Variants in TBC1D1 observed in about 807,000 individuals in gnomAD.
TBC1D1 encodes the protein TBC1 (tre-2/USP6, BUB2, cdc16) domain family, member 1.
TBC1D1 carries 89 observed loss-of-function variants against 125.6 expected under a neutral mutation model. The ratio of observed to expected loss-of-function variants is 0.71; its 90% CI spans 0.60 to 0.85. TBC1D1 has a LOEUF of 0.85. Ranked by LOEUF, TBC1D1 falls within the 40% of genes least tolerant of loss-of-function variation. The probability of loss-of-function intolerance (pLI) is 0.00; values close to 1 mark genes in which losing one functional copy is unlikely to be tolerated. For synonymous variants in TBC1D1, 565 were observed against 564.1 expected, an observed-to-expected ratio of 1.00 and a Z score of -0.02; for missense variants, 1,377 against 1,469.2, an observed-to-expected ratio of 0.94 and a Z score of 1.03.
At chr4:37,946,498 C>G (rs1577986561) in intron 2 of TBC1D1, among the ~76,000 whole-genome samples, 1 of 152,296 alleles carries the variant, frequency 6.6e-6, no homozygotes, top group East Asian at 1.9e-4. Flanking sequence ...AGGGAAGAAA[C>G]AGTATCGTGT....
intron 2 of TBC1D1, among the ~76,000 whole-genome samples, chr4:37,903,158 G>A (rs1005340788): frequency 5.9e-5 from 9 of 151,744 alleles, no homozygotes; most frequent in African/African-American, 1.9e-4. Flanking sequence ...TTTTTCTTTC[G>A]CAAACCTCAG....
intron 2 of TBC1D1, among the ~76,000 whole-genome samples, chr4:37,986,119 A>G (rs375433563): frequency 3.3e-5 from 5 of 152,218 alleles, no homozygotes; most frequent in African/African-American, 9.7e-5. Context: ...TCAAATACCT[A>G]TCAGTAATTG....
At chr4:38,088,156 T>TA (rs750322701) in intron 12 of TBC1D1, among the ~76,000 whole-genome samples, 14 of 149,738 alleles carry the variant, frequency 9.3e-5, no homozygotes, top group African/African-American at 2.5e-4. Context: ...GGTAAAAGAA[T>TA]AAAAAAAAAG....
At chr4:38,013,498 TTAGGTC>T (rs1374507674) in intron 2 of TBC1D1, among the ~76,000 whole-genome samples, 1 of 152,190 alleles carries the variant, frequency 6.6e-6, no homozygotes, top group African/African-American at 2.4e-5. Context: ...GGTTTAGGTG[TTAGGTC>T]ATAACAAAAA....
intron 2 of TBC1D1, chr4:37,951,943 C>G: frequency 1.4e-6 from 1 of 716,862 alleles, no homozygotes; most frequent in South Asian, 1.5e-5. Context: ...TGTGACTGTA[C>G]AAACCTACAT....
At chr4:37,959,926 C>T (rs537165846) in intron 2 of TBC1D1, among the ~76,000 whole-genome samples, 2 of 152,204 alleles carry the variant, frequency 1.3e-5, no homozygotes, top group Non-Finnish European at 2.9e-5. Context: ...AGGGATAACT[C>T]GGGATGAAAC....
rs577413337 is a variant in TBC1D1, at chr4:38,108,977, G to T, written c.2557+5820G>T. Among the ~76,000 whole-genome samples the T allele has an allele frequency of 7.9e-5, 12 of 152,304 alleles. No homozygotes were observed. In the South Asian group the frequency reaches 2.3e-3, roughly 29 times the overall value. On this transcript the variant is annotated intron_variant, in intron 15 of 19. Transcript: ENST00000261439. ...GCGGTGGGCTGCCTCGCTCGGCCAG[G>T]ACACACAGAGCAGCATCGTGCACTT...
At chr4:38,026,265 T>C (rs1194671202) in intron 6 of TBC1D1, among the ~76,000 whole-genome samples, 1 of 152,100 alleles carries the variant, frequency 6.6e-6, no homozygotes, top group African/African-American at 2.4e-5. Flanking sequence ...GCTGCAACAG[T>C]GTGATAGGAG....
intron 13 of TBC1D1, among the ~76,000 whole-genome samples, chr4:38,095,274 A>C (rs1273604274): frequency 6.6e-6 from 1 of 152,222 alleles, no homozygotes; most frequent in Non-Finnish European, 1.5e-5. Flanking sequence ...TCCAGGAATC[A>C]ATGTAAATTG....
At chr4:38,053,011 G>T in intron 11 of TBC1D1, 95 bp from the exon 13 acceptor site, 1 of 948,740 alleles carries the variant, frequency 1.1e-6, no homozygotes, top group South Asian at 5.3e-5. Context: ...CTTAGCATTA[G>T]AACAAAAATG....
intron 12 of TBC1D1, among the ~76,000 whole-genome samples, chr4:38,056,811 G>C (rs1022116552): frequency 6.6e-6 from 1 of 151,944 alleles, no homozygotes; most frequent in African/African-American, 2.4e-5. Flanking sequence ...TTGTCTCGCG[G>C]GGTGGGGGAG....
In TBC1D1 at chr4:38,027,868, G is replaced by A. The variant is rs756058938; in HGVS notation, c.1291G>A (p.Glu431Lys). 11 of 1,612,256 alleles carry A rather than the reference G, an allele frequency of 6.8e-6. No homozygotes were observed. In the Admixed American group the frequency reaches 1.8e-4, roughly 27 times the overall value. Residue 431 changes from glutamate to lysine, a missense_variant, in exon 7 of 20, where the codon GAA (glutamate) becomes AAA (lysine). Coordinates refer to ENST00000261439, the MANE Select transcript of TBC1D1 (RefSeq NM_015173.4). ...CAATCAGGAGCAGGCGACTATTTTT[G>A]AAGAGGTTCAGGTACAGTACAGTTG...
intron 1 of TBC1D1, among the ~76,000 whole-genome samples, chr4:37,897,852 A>T (rs1714983689): frequency 6.6e-6 from 1 of 152,324 alleles, no homozygotes; most frequent in East Asian, 1.9e-4. Flanking sequence ...TTCACCTGTG[A>T]GAGAGAGAAT....
intron 15 of TBC1D1, among the ~76,000 whole-genome samples, chr4:38,104,642 G>A (rs1057354590): frequency 6.6e-6 from 1 of 152,286 alleles, no homozygotes; most frequent in Admixed American, 6.5e-5. Flanking sequence ...GATTGTTCCT[G>A]CAGCCACGAC....
At chr4:37,982,171 T>TG (rs1421812603) in intron 2 of TBC1D1, among the ~76,000 whole-genome samples, 2 of 152,340 alleles carry the variant, frequency 1.3e-5, no homozygotes, top group Middle Eastern at 3.4e-3. Flanking sequence ...CAGCCCACCT[T>TG]GGGTGCCGGT....
At chr4:38,051,585 C>T (rs9991524) in intron 11 of TBC1D1, among the ~76,000 whole-genome samples, 44,233 of 151,818 alleles carry the variant, frequency 0.29, 6,909 homozygotes, top group East Asian at 0.62. Context: ...TCACAGTCAG[C>T]TGTGATCGTG....
At chr4:37,945,307 A>C (rs1433410408) in intron 2 of TBC1D1, among the ~76,000 whole-genome samples, 2 of 151,778 alleles carry the variant, frequency 1.3e-5, no homozygotes, top group African/African-American at 4.8e-5. Flanking sequence ...TGAGGTCAGG[A>C]GTTTGAGACC....
chr4:38,084,150 G>A (rs949581949), intron 12 of TBC1D1, among the ~76,000 whole-genome samples: 10 of 152,054 alleles, frequency 6.6e-5, no homozygotes, highest in African/African-American at 2.4e-4. Flanking sequence ...TAGCCAGGAT[G>A]GTCTCGATCT....
At chr4:38,021,162 G>T (rs1336670360) in intron 5 of TBC1D1, among the ~76,000 whole-genome samples, 1 of 152,186 alleles carries the variant, frequency 6.6e-6, no homozygotes, top group Non-Finnish European at 1.5e-5. Flanking sequence ...CATCTTACAT[G>T]GCAGCAGGCA....
Sources: gnomAD v4.1 joint callset for allele counts (sites outside exome capture counted in the v4.1 genomes callset) on GRCh38, gnomAD v4.1.1 for gene constraint, MANE v1.5 for transcripts, NCBI Gene and HGNC (gene_info 2026-07-23, HGNC 2026-07-21) for gene names.